The following MACROD2 variants were observed in gnomAD, a reference collection of about 807,000 sequenced individuals.
The protein encoded by MACROD2 is mono-ADP ribosylhydrolase 2.
In MACROD2, 36 loss-of-function variants were observed where a neutral mutation model predicts 70.4. The observed-to-expected ratio is 0.51, with a 90% CI of 0.39 to 0.68. The LOEUF is 0.68. Ranked by LOEUF, MACROD2 falls within the 30% of genes least tolerant of loss-of-function variation. The pLI is 0.00. For missense variants in MACROD2, 496 were observed against 538.4 expected (o/e 0.92, Z 0.78); for synonymous variants, 172 against 178.8 (o/e 0.96, Z 0.30).
At chr20:15,690,433 G>A (rs2050284980) in intron 8 of MACROD2, among the ~76,000 whole-genome samples, 1 of 152,200 alleles carries the variant, frequency 6.6e-6, no homozygotes, top group Non-Finnish European at 1.5e-5. Context: ...GTCATGCCAA[G>A]TATGGGATAT....
At chr20:15,887,564 C>T (rs1042168905) in intron 10 of MACROD2, among the ~76,000 whole-genome samples, 7 of 152,048 alleles carry the variant, frequency 4.6e-5, no homozygotes, top group African/African-American at 1.7e-4. Flanking sequence ...ACTCAAAGCA[C>T]CAGAGAATTA....
At chr20:14,903,907 T>G (rs2073927971) in intron 5 of MACROD2, among the ~76,000 whole-genome samples, 1 of 152,148 alleles carries the variant, frequency 6.6e-6, no homozygotes, top group Admixed American at 6.6e-5. Flanking sequence ...ATGAAAGGTT[T>G]TTTTATTTTT....
chr20:14,870,815 G>A (rs1016981796), intron 5 of MACROD2, among the ~76,000 whole-genome samples: 2 of 151,894 alleles, frequency 1.3e-5, no homozygotes, highest in African/African-American at 4.8e-5. Flanking sequence ...TCTTGTAAAT[G>A]TATTTAAGTT....
chr20:15,271,408 C>G (rs1221321808), intron 6 of MACROD2, among the ~76,000 whole-genome samples: 1 of 152,152 alleles, frequency 6.6e-6, no homozygotes, highest in Non-Finnish European at 1.5e-5. Flanking sequence ...AAGTTTCAAC[C>G]TATGAATTTT....
rs201744868 is a variant in MACROD2 at position 15,836,436 on chromosome 20, G to GT, written c.646-26303dup. ...TCATAAGAGTCATTATCTATGGGAT[G>GT]TTTTTTCCTTTATTCACAATGAAGG... On this transcript the variant is annotated intron_variant, in intron 8 of 17. Transcript: ENST00000684519. Among the ~76,000 whole-genome samples the GT allele has an allele frequency of 3.6e-3, 544 of 152,216 alleles. 4 individuals are homozygous for GT. Among genetic ancestry groups the GT allele is most frequent in the African/African-American group, 0.013 (526 of 41,538 alleles).
chr20:15,015,514 C>G (rs2075114502), intron 5 of MACROD2, among the ~76,000 whole-genome samples: 1 of 149,314 alleles, frequency 6.7e-6, no homozygotes, highest in South Asian at 2.1e-4. Flanking sequence ...ACACAATTTT[C>G]CCAGTAAGTA....
intron 5 of MACROD2, among the ~76,000 whole-genome samples, chr20:14,692,460 A>T (rs576330074): frequency 2.0e-5 from 3 of 152,300 alleles, no homozygotes; most frequent in South Asian, 4.1e-4. Context: ...ATAACATTTT[A>T]AGAAGGGAAG....
intron 5 of MACROD2, among the ~76,000 whole-genome samples, chr20:14,860,533 C>G (rs1420533341): frequency 6.6e-6 from 1 of 152,156 alleles, no homozygotes; most frequent in Non-Finnish European, 1.5e-5. Context: ...GGAACCTGCT[C>G]TCTGTGATCT....
intron 3 of MACROD2, among the ~76,000 whole-genome samples, chr20:14,383,898 G>A (rs1200118155): frequency 1.3e-5 from 2 of 152,038 alleles, no homozygotes; most frequent in Non-Finnish European, 2.9e-5. Flanking sequence ...AATAATTTAT[G>A]TGGTATTTCC....
intron 6 of MACROD2, among the ~76,000 whole-genome samples, chr20:15,308,321 T>C (rs2077717724): frequency 6.6e-6 from 1 of 152,152 alleles, no homozygotes; most frequent in African/African-American, 2.4e-5. Context: ...TTTACAACTT[T>C]TACTTACAAA....
At chr20:15,580,025 A>G (rs1357989350) in intron 8 of MACROD2, among the ~76,000 whole-genome samples, 2 of 152,324 alleles carry the variant, frequency 1.3e-5, no homozygotes, top group East Asian at 3.9e-4. Context: ...GATAATTTTT[A>G]TCACTTGTAT....
chr20:14,944,632 G>C (rs149869789), intron 5 of MACROD2, among the ~76,000 whole-genome samples: 1 of 152,134 alleles, frequency 6.6e-6, no homozygotes, highest in Non-Finnish European at 1.5e-5. Flanking sequence ...AAGGGAATGC[G>C]TACAGGATCT....
At chr20:15,274,075 A>G (rs1294424315) in intron 6 of MACROD2, among the ~76,000 whole-genome samples, 1 of 152,218 alleles carries the variant, frequency 6.6e-6, no homozygotes, top group African/African-American at 2.4e-5. Context: ...TTAATGAAGC[A>G]GCATTGCCTC....
chr20:15,810,699 A>G (rs1031219201), intron 8 of MACROD2, among the ~76,000 whole-genome samples: 2 of 152,248 alleles, frequency 1.3e-5, no homozygotes, highest in African/African-American at 2.4e-5. Flanking sequence ...CTACAAGGCT[A>G]CAGTAACCAA....
intron 5 of MACROD2, among the ~76,000 whole-genome samples, chr20:15,121,225 G>T (rs1166319506): frequency 3.3e-5 from 5 of 152,174 alleles, no homozygotes; most frequent in African/African-American, 1.2e-4. Flanking sequence ...TTAAGAAAAT[G>T]CCCAGGCTGG....
chr20:14,447,177 C>T (rs779922293), intron 3 of MACROD2, among the ~76,000 whole-genome samples: 65 of 152,030 alleles, frequency 4.3e-4, no homozygotes, highest in Non-Finnish European at 8.8e-4. Flanking sequence ...CACCACCACA[C>T]CCAGCTAATT....
intron 5 of MACROD2, among the ~76,000 whole-genome samples, chr20:15,166,897 TATTA>T (rs541111428): frequency 1.0e-3 from 152 of 150,646 alleles, no homozygotes; most frequent in Middle Eastern, 3.8e-3. Context: ...AAGTATTAAG[TATTA>T]ATTTAAGTAT....
intron 5 of MACROD2, among the ~76,000 whole-genome samples, chr20:15,001,742 A>G (rs1201947974): frequency 1.3e-5 from 2 of 150,652 alleles, no homozygotes; most frequent in East Asian, 3.9e-4. Flanking sequence ...GTTTTTTGGG[A>G]ACTGGTGCTA....
chr20:15,708,310 C>T (rs939451348), intron 8 of MACROD2, among the ~76,000 whole-genome samples: 2 of 151,832 alleles, frequency 1.3e-5, no homozygotes, highest in Non-Finnish European at 2.9e-5. Context: ...AAAATAAGGA[C>T]TATGGAAGGA....
Sources: gnomAD v4.1 joint callset for allele counts (sites outside exome capture counted in the v4.1 genomes callset) on GRCh38, gnomAD v4.1.1 for gene constraint, MANE v1.5 for transcripts, NCBI Gene and HGNC (gene_info 2026-07-23, HGNC 2026-07-21) for gene names.